The following DNAH3 variants were observed in gnomAD, a reference collection of about 807,000 sequenced individuals.
The protein encoded by DNAH3 is axonemal beta dynein heavy chain 3.
DNAH3 carries 332 observed loss-of-function variants against 432.5 expected under a neutral mutation model. That is an observed-to-expected ratio of 0.77 (90% CI 0.70 to 0.84). The LOEUF is 0.84. Ranked by LOEUF, DNAH3 falls within the 40% of genes least tolerant of loss-of-function variation. The pLI is 0.00. For missense variants in DNAH3, 4,861 were observed against 5,114.0 expected (o/e 0.95, Z 1.51); for synonymous variants, 1,956 against 1,900.2 (o/e 1.03, Z -0.76).
Position 21,149,512 on chromosome 16 carries a change from T to C in DNAH3, c.118-3424A>G, listed in dbSNP as rs114486315. ...GATTACACATGTTGTATGTATGTTCTTCATGGAGGCCATTCCCAAATGCTC... is the reference window on the plus strand; with the variant it reads ...GATTACACATGTTGTATGTATGTTCCTCATGGAGGCCATTCCCAAATGCTC... On this transcript the variant is annotated intron_variant, in intron 1 of 61. Transcript: ENST00000261383. 3.2e-3 allele frequency among the ~76,000 whole-genome samples: 490 copies of C among 152,318 alleles called. 1 individual carries two copies. Among genetic ancestry groups the C allele is most frequent in the African/African-American group, 0.011 (445 of 41,582 alleles).
chr16:21,131,444 AAAG>A (rs1346046433), intron 7 of DNAH3, among the ~76,000 whole-genome samples: 3 of 134,466 alleles, frequency 2.2e-5, no homozygotes, highest in African/African-American at 8.6e-5. Flanking sequence ...AGGAAGAAAG[AAAG>A]AAGGAAAGAA....
intron 1 of DNAH3, 52 bp downstream of exon 2, chr16:21,150,238 T>G: frequency 2.6e-6 from 1 of 381,574 alleles, no homozygotes; most frequent in South Asian, 2.0e-5. Flanking sequence ...AAATAAAAAA[T>G]AAAAAAAAAA....
chr16:20,968,722 G>C (rs962736853), intron 52 of DNAH3, among the ~76,000 whole-genome samples: 1 of 150,168 alleles, frequency 6.7e-6, no homozygotes, highest in East Asian at 2.0e-4. Flanking sequence ...GCCTCTCTTT[G>C]CCCTTGTCTC....
intron 5 of DNAH3, among the ~76,000 whole-genome samples, chr16:21,138,449 G>T (rs1597469584): frequency 6.6e-6 from 1 of 152,132 alleles, no homozygotes. Flanking sequence ...GGCAGTTAGG[G>T]TGTTTACCAA....
chr16:21,140,889 G>A (rs895760365), intron 4 of DNAH3, among the ~76,000 whole-genome samples, 179 bp from the exon 6 acceptor site: 17 of 152,134 alleles, frequency 1.1e-4, no homozygotes, highest in African/African-American at 4.1e-4. Context: ...ACACCTCATA[G>A]GTATTTTAGC....
At chr16:21,070,577 C>G in intron 22 of DNAH3, 133 bp downstream of exon 22, 1 of 645,500 alleles carries the variant, frequency 1.5e-6, no homozygotes, top group Non-Finnish European at 2.9e-6. Flanking sequence ...GCCACTGTAT[C>G]ATTTATTTAT....
intron 41 of DNAH3, among the ~76,000 whole-genome samples, chr16:21,018,900 A>G (rs1435239735): frequency 1.3e-5 from 2 of 152,012 alleles, no homozygotes; most frequent in Non-Finnish European, 2.9e-5. Flanking sequence ...ATCTCAAAAA[A>G]AAAATTATAA....
At chr16:21,075,512 T>C (rs533879795) in exon 21 of DNAH3, 1 of 1,614,012 alleles carries the variant, frequency 6.2e-7, no homozygotes, top group Non-Finnish European at 8.5e-7. Context: ...CTATCCAAGT[T>C]TTTCTCCAGA....
At chr16:20,953,327 T>A (rs2084401752) in intron 55 of DNAH3, among the ~76,000 whole-genome samples, 1 of 151,962 alleles carries the variant, frequency 6.6e-6, no homozygotes, top group Non-Finnish European at 1.5e-5. Context: ...CCCAGCTAGT[T>A]TACGTAGTTT....
At chr16:20,962,906 A>G (rs1194884295) in intron 53 of DNAH3, among the ~76,000 whole-genome samples, 1 of 152,188 alleles carries the variant, frequency 6.6e-6, no homozygotes, top group East Asian at 1.9e-4. Flanking sequence ...CAATCCTCCC[A>G]ACTCATTCTC....
At chr16:21,059,531 T>G (rs1438198449) in intron 26 of DNAH3, among the ~76,000 whole-genome samples, 1 of 152,110 alleles carries the variant, frequency 6.6e-6, no homozygotes, top group African/African-American at 2.4e-5. Flanking sequence ...TCCCAGCACT[T>G]TGGGAGACCG....
intron 25 of DNAH3, among the ~76,000 whole-genome samples, chr16:21,061,040 T>C (rs913436089): frequency 6.0e-5 from 9 of 151,078 alleles, no homozygotes; most frequent in Non-Finnish European, 1.3e-4. Context: ...GGTCTCTCTA[T>C]GTTGCCCAGG....
intron 21 of DNAH3, among the ~76,000 whole-genome samples, chr16:21,074,374 C>T (rs1471450383): frequency 6.6e-6 from 1 of 152,140 alleles, no homozygotes; most frequent in Admixed American, 6.5e-5. Flanking sequence ...GATTTTAAAG[C>T]ATTCCAGATG....
intron 27 of DNAH3, among the ~76,000 whole-genome samples, chr16:21,055,926 T>TG (rs1253086313): frequency 6.6e-5 from 10 of 152,090 alleles, no homozygotes; most frequent in African/African-American, 2.2e-4. Context: ...TTTGTAGAGA[T>TG]GGGGTCTCAC....
At chr16:20,977,770 G>A (rs1417619904) in intron 50 of DNAH3, among the ~76,000 whole-genome samples, 3 of 152,210 alleles carry the variant, frequency 2.0e-5, no homozygotes, top group Non-Finnish European at 4.4e-5. Flanking sequence ...CACTAGGGAT[G>A]CAGTAGGACC....
intron 1 of DNAH3, among the ~76,000 whole-genome samples, chr16:21,147,967 G>T (rs1262238611): frequency 6.6e-6 from 1 of 152,180 alleles, no homozygotes; most frequent in Non-Finnish European, 1.5e-5. Context: ...TTTAAAGGTG[G>T]TTTGAGGGAT....
exon 62 of DNAH3, chr16:20,933,218 G>A: frequency 6.2e-7 from 1 of 1,614,274 alleles, no homozygotes; most frequent in East Asian, 2.2e-5. Context: ...GGGCATGTCT[G>A]TTGGAAGCTC....
intron 12 of DNAH3, 55 bp from the exon 13 acceptor site, chr16:21,112,153 G>T (rs2092091262): frequency 4.1e-6 from 5 of 1,230,734 alleles, no homozygotes; most frequent in Non-Finnish European, 5.9e-6. Flanking sequence ...AACCAAATCA[G>T]ATGAGTCAGA....
Position 21,046,397 on chromosome 16 carries a change from T to C in DNAH3, c.4461+3172A>G, listed in dbSNP as rs1286223334. ...AAATATATTTAGGATAGTTAGCTCT[T>C]CTTGTTGAATTGATCCCTTTACCAT... On this transcript the variant is annotated intron_variant, in intron 31 of 61. Coordinates refer to ENST00000261383, the Ensembl canonical transcript of DNAH3. Among the ~76,000 whole-genome samples, 6 of 151,380 alleles carry C rather than the reference T, an allele frequency of 4.0e-5. No individual in the cohort carries two copies. In the East Asian group the frequency reaches 1.2e-3, roughly 29 times the overall value.
Sources: gnomAD v4.1 joint callset for allele counts (sites outside exome capture counted in the v4.1 genomes callset) on GRCh38, gnomAD v4.1.1 for gene constraint, MANE v1.5 for transcripts, NCBI Gene and HGNC (gene_info 2026-07-23, HGNC 2026-07-21) for gene names.